CEACAM20: variants seen among roughly 807,000 people sequenced by gnomAD.
CEACAM20 encodes the protein CEA cell adhesion molecule 20.
Under a neutral mutation model 61.2 loss-of-function variants are expected in CEACAM20, and 50 were observed. The observed-to-expected ratio is 0.82, with a 90% CI of 0.65 to 1.03. CEACAM20 has a LOEUF of 1.03. CEACAM20 is among the 50% of genes least tolerant of loss of function. The probability of loss-of-function intolerance (pLI) is 0.00; values close to 1 mark genes in which losing one functional copy is unlikely to be tolerated. For synonymous variants in CEACAM20, 282 were observed against 287.7 expected (o/e 0.98, Z 0.20); for missense variants, 683 against 736.4 (o/e 0.93, Z 0.84).
At chr19:44,506,652 A>G (rs574002631) in intron 11 of CEACAM20, among the ~76,000 whole-genome samples, 2 of 152,380 alleles carry the variant, frequency 1.3e-5, no homozygotes, top group Admixed American at 6.5e-5. Context: ...CACATGGCAA[A>G]GAACTGAGGA....
chr19:44,512,115 GA>G, intron 8 of CEACAM20, 37 bp from the exon 9 acceptor site: 3 of 1,540,152 alleles, frequency 1.9e-6, no homozygotes, highest in Non-Finnish European at 2.7e-6. Flanking sequence ...GCTGGAGTTC[GA>G]AAGAGATATG....
At chr19:44,511,779 A>T in intron 9 of CEACAM20, 107 bp from the exon 10 acceptor site, 4 of 1,157,764 alleles carry the variant, frequency 3.5e-6, no homozygotes, top group Non-Finnish European at 5.1e-6. Flanking sequence ...AGCACTTCTG[A>T]TTCCCAGAGG....
intron 6 of CEACAM20, among the ~76,000 whole-genome samples, chr19:44,516,541 T>G (rs545209440): frequency 6.6e-6 from 1 of 152,344 alleles, no homozygotes; most frequent in South Asian, 2.1e-4. Context: ...TCTGCCACCA[T>G]GTAAGACATG....
chr19:44,521,084 T>C lies in CEACAM20; in HGVS notation c.752-332A>G, dbSNP rs527845709. On this transcript the variant is annotated intron_variant, in intron 4 of 11. Transcript: ENST00000614924. ...GTGTGGTACACATATGCACTTTGTA[T>C]GTGAGTATATGCTATGTGTATATAT... Among the ~76,000 whole-genome samples, 3 of 149,356 alleles carry C rather than the reference T, an allele frequency of 2.0e-5. No individual in the cohort carries two copies. In the South Asian group the frequency reaches 6.6e-4, roughly 33 times the overall value.
intron 2 of CEACAM20, 147 bp downstream of exon 2, chr19:44,524,954 C>G (rs1433318238): frequency 5.9e-6 from 6 of 1,022,410 alleles, no homozygotes; most frequent in Non-Finnish European, 8.5e-6. Flanking sequence ...TACCCCTGAC[C>G]CCTGGCACAG....
chr19:44,522,920 G>A lies in CEACAM20; in HGVS notation c.473-8C>T. The A allele has an allele frequency of 6.3e-7, 1 of 1,594,634 alleles. No homozygotes were observed. Among genetic ancestry groups the A allele is most frequent in the Non-Finnish European group, 8.5e-7 (1 of 1,170,576 alleles). On this transcript the variant is annotated splice_region_variant and splice_polypyrimidine_tract_variant and intron_variant, in intron 3 of 11. Coordinates refer to ENST00000614924, the MANE Select transcript of CEACAM20 (RefSeq NM_001102597.3). ...CAACAGGATCAGGACCATCTGAGAG[G>A]ACAGGAACAATTACAGCAGTAACAA...
chr19:44,525,207 G>A lies in CEACAM20; in HGVS notation c.90C>T (p.Ala30=). Residue 30 remains alanine, a synonymous_variant, in exon 2 of 12, where the codon GCC becomes GCT. Transcript: ENST00000614924. ...LCTVWSPPAA[A]QLTLNANPLD... ...GTGGGTTGGCATTGAGGGTGAGCTG[G>A]GCTGCAGCTGGAGGACTCCATACGG... 1 of 1,608,376 alleles carries A rather than the reference G, an allele frequency of 6.2e-7. No individual in the cohort carries two copies. Among genetic ancestry groups the A allele is most frequent in the South Asian group, 1.1e-5 (1 of 89,966 alleles).
chr19:44,519,336 T>A (rs1468745758), intron 5 of CEACAM20, among the ~76,000 whole-genome samples: 1 of 152,204 alleles, frequency 6.6e-6, no homozygotes, highest in Non-Finnish European at 1.5e-5. Context: ...GCCCAACATG[T>A]TGCTTAGCAC....
intron 3 of CEACAM20, 150 bp downstream of exon 3, chr19:44,523,836 G>C (rs1971441516): frequency 1.2e-6 from 1 of 866,408 alleles, no homozygotes; most frequent in Non-Finnish European, 1.7e-6. Flanking sequence ...GTTTCCAGTA[G>C]AATCCAAGTA....
At position 44,517,054 on chromosome 19, in the gene CEACAM20, G is replaced by C; in HGVS notation, c.1201C>G (p.Leu401Val). The C allele has an allele frequency of 6.2e-7, 1 of 1,604,246 alleles. No homozygotes were observed. The highest frequency in any genetic ancestry group is 8.5e-7 in the Non-Finnish European group (1 of 1,175,560). Reference protein sequence around the residue: ...HSTGEHLGEQLIIRALTWEHD... With the variant: ...HSTGEHLGEQVIIRALTWEHD... Reference sequence around the variant, plus strand: ...TCCCAGGTCAGAGCCCTGATAATCAGCTGCTCACCCAGGTGCTCCCCGGTG... The same window carrying C: ...TCCCAGGTCAGAGCCCTGATAATCACCTGCTCACCCAGGTGCTCCCCGGTG... Residue 401 changes from leucine (L) to valine (V), a missense_variant, in exon 6 of 12, where the codon CTG (leucine) becomes GTG (valine). By Grantham distance (32) the Leu-to-Val change is conservative. Transcript: ENST00000614924.
chr19:44,518,099 AAAGAAAGGAAGGAAGG>A (rs1325691005), intron 5 of CEACAM20, among the ~76,000 whole-genome samples: 39 of 102,664 alleles, frequency 3.8e-4, no homozygotes, highest in Middle Eastern at 3.8e-3. Context: ...AGAAAGAAAG[AAAGAAAGGAAGGAAGG>A]AAGGAAGGAA....
chr19:44,526,827 T>C (rs1320044529), intron 1 of CEACAM20, among the ~76,000 whole-genome samples: 2 of 151,868 alleles, frequency 1.3e-5, no homozygotes, highest in African/African-American at 4.8e-5. Flanking sequence ...TGAGCCGAGA[T>C]TGTGCCACTG....
At chr19:44,516,161 T>C (rs1222557349) in intron 6 of CEACAM20, among the ~76,000 whole-genome samples, 5 of 152,144 alleles carry the variant, frequency 3.3e-5, no homozygotes, top group Non-Finnish European at 4.4e-5. Flanking sequence ...AGTGACACTG[T>C]TACCTTCTCA....
chr19:44,510,557 AAAG>A (rs1970946893), intron 11 of CEACAM20, among the ~76,000 whole-genome samples: 1 of 36,962 alleles, frequency 2.7e-5, no homozygotes, highest in Admixed American at 3.9e-4. Flanking sequence ...GGAAAGAAAG[AAAG>A]AAAGAAAGAA....
chr19:44,513,987 A>G (rs984642465), intron 6 of CEACAM20, among the ~76,000 whole-genome samples: 1 of 152,140 alleles, frequency 6.6e-6, no homozygotes, highest in Non-Finnish European at 1.5e-5. Flanking sequence ...CCATGATGAC[A>G]ATGTCAGTTA....
chr19:44,522,685 T>C lies in CEACAM20; in HGVS notation c.700A>G (p.Asn234Asp). The change falls in exon 4 of 12, where the codon AAC becomes GAC. Residue 234 changes from asparagine (N) to aspartate (D), a missense_variant. Asn to Asp is a conservative substitution (Grantham distance 23). Coordinates refer to ENST00000614924, the MANE Select transcript of CEACAM20 (RefSeq NM_001102597.3). The stretch of plus-strand genomic sequence containing the variant: ...AGGCTGGACAGGTGGGTGGCACTGT[T>C]GGACACCAAGCACCTGTACAGGCCC... ...HEGLYRCLVSNSATHLSSLGT... is the reference protein window; with the variant it reads ...HEGLYRCLVSDSATHLSSLGT... The C allele has an allele frequency of 6.2e-7, 1 of 1,613,760 alleles. No individual in the cohort carries two copies. The highest frequency in any genetic ancestry group is 1.1e-5 in the South Asian group (1 of 91,014).
Position 44,522,735 on chromosome 19 carries a change from A to G in CEACAM20, c.650T>C (p.Ile217Thr). Residue 217 changes from isoleucine to threonine, a missense_variant, in exon 4 of 12, where the codon ATC becomes ACC. Transcript: ENST00000614924. ...ILSHTTRTFT[I>T]HAVSREHEGL... The stretch of plus-strand genomic sequence containing the variant: ...CTCATGTTCTCTGGACACAGCATGG[A>G]TGGTGAATGTTCTCGTGGTGTGAGA... The G allele has an allele frequency of 6.2e-7, 1 of 1,613,924 alleles. No homozygotes were observed. The highest frequency in any genetic ancestry group is 8.5e-7 in the Non-Finnish European group (1 of 1,179,866).
At chr19:44,512,843 C>T (rs1251253237) in intron 8 of CEACAM20, 25 bp downstream of exon 8, 6 of 1,596,726 alleles carry the variant, frequency 3.8e-6, no homozygotes, top group Non-Finnish European at 3.4e-6. Flanking sequence ...CTGCCCCAGG[C>T]ATCAGCCACC....
chr19:44,519,167 C>G (rs770065435), intron 5 of CEACAM20, among the ~76,000 whole-genome samples: 27 of 152,162 alleles, frequency 1.8e-4, no homozygotes, highest in Non-Finnish European at 3.2e-4. Context: ...CATGATGACC[C>G]TTTGCAACAT....
Sources: gnomAD v4.1 joint callset for allele counts (sites outside exome capture counted in the v4.1 genomes callset) on GRCh38, gnomAD v4.1.1 for gene constraint, MANE v1.5 for transcripts, NCBI Gene and HGNC (gene_info 2026-07-23, HGNC 2026-07-21) for gene names.